ERC2: variants seen among roughly 807,000 people sequenced by gnomAD.
ERC2 encodes the protein ELKS/RAB6-interacting/CAST family member 2, also known as ERC protein 2.
In ERC2, 42 loss-of-function variants were observed where a neutral mutation model predicts 114.8. The observed-to-expected ratio is 0.37, with a 90% CI of 0.29 to 0.47. ERC2 has a LOEUF of 0.47. Among genes scored for constraint, ERC2 ranks in the 20% least tolerant of loss-of-function variants. The pLI, the probability that ERC2 is intolerant of heterozygous loss-of-function variation, is 0.99. For missense variants in ERC2, 939 were observed against 1,150.7 expected (o/e 0.82, Z 2.66); for synonymous variants, 454 against 425.5 (o/e 1.07, Z -0.82).
chr3:55,996,109 T>C (rs888755129), intron 10 of ERC2, among the ~76,000 whole-genome samples: 1 of 152,210 alleles, frequency 6.6e-6, no homozygotes, highest in African/African-American at 2.4e-5. Context: ...GCCATGGCAT[T>C]CTAATGCATT....
At chr3:55,795,823 A>G (rs4974145) in intron 14 of ERC2, among the ~76,000 whole-genome samples, 21,075 of 152,184 alleles carry the variant, frequency 0.14, 1,676 homozygotes, top group East Asian at 0.22. Context: ...GTGGACACCA[A>G]TAACAGTACC....
intron 17 of ERC2, among the ~76,000 whole-genome samples, chr3:55,552,852 C>A (rs1252391730): frequency 6.6e-6 from 1 of 151,092 alleles, no homozygotes; most frequent in Admixed American, 6.6e-5. Context: ...TAAAATTGTC[C>A]CAGTGGATTT....
chr3:55,798,468 C>T (rs1487658908), intron 14 of ERC2, among the ~76,000 whole-genome samples: 3 of 151,920 alleles, frequency 2.0e-5, no homozygotes, highest in South Asian at 2.1e-4. Flanking sequence ...CGTGGTGGCA[C>T]GTGCCTGTAG....
chr3:56,292,591 C>T (rs2055164266), intron 3 of ERC2, among the ~76,000 whole-genome samples: 1 of 151,654 alleles, frequency 6.6e-6, no homozygotes, highest in Non-Finnish European at 1.5e-5. Flanking sequence ...CCCCGTCCCC[C>T]ACCGCCCCCC....
At chr3:55,694,005 G>A (rs957870440) in intron 16 of ERC2, among the ~76,000 whole-genome samples, 6 of 152,018 alleles carry the variant, frequency 3.9e-5, no homozygotes, top group East Asian at 3.9e-4. Context: ...CACTGCGCCC[G>A]GCAAAGATGA....
intron 11 of ERC2, among the ~76,000 whole-genome samples, chr3:55,987,790 T>C (rs2070747805): frequency 6.6e-6 from 1 of 152,266 alleles, no homozygotes; most frequent in East Asian, 1.9e-4. Flanking sequence ...TGTCCAAATG[T>C]CTGGTGATAT....
At chr3:55,813,072 T>G (rs1261086600) in intron 14 of ERC2, among the ~76,000 whole-genome samples, 1 of 152,208 alleles carries the variant, frequency 6.6e-6, no homozygotes, top group Non-Finnish European at 1.5e-5. Flanking sequence ...TTTTGCCTAT[T>G]AAGAAACCGA....
intron 13 of ERC2, among the ~76,000 whole-genome samples, chr3:55,918,349 T>G (rs1029656205): frequency 6.6e-6 from 1 of 152,120 alleles, no homozygotes; most frequent in African/African-American, 2.4e-5. Flanking sequence ...GCATCTGTTT[T>G]GTCTCACTCT....
chr3:55,712,151 C>T (rs2063810309), intron 15 of ERC2, among the ~76,000 whole-genome samples: 2 of 152,056 alleles, frequency 1.3e-5, no homozygotes, highest in Non-Finnish European at 2.9e-5. Context: ...TCCCACGTTT[C>T]TTCTTGATCA....
intron 6 of ERC2, among the ~76,000 whole-genome samples, chr3:56,087,887 C>A (rs2077587609): frequency 6.6e-6 from 1 of 152,170 alleles, no homozygotes; most frequent in Non-Finnish European, 1.5e-5. Flanking sequence ...TGGAAGTACG[C>A]ATAATGTACA....
intron 14 of ERC2, among the ~76,000 whole-genome samples, chr3:55,789,413 T>C (rs957599726): frequency 6.6e-6 from 1 of 152,162 alleles, no homozygotes; most frequent in African/African-American, 2.4e-5. Flanking sequence ...TACTACTCCA[T>C]GAGATTTACA....
chr3:55,636,853 G>A (rs946684662), intron 17 of ERC2, among the ~76,000 whole-genome samples: 2 of 152,328 alleles, frequency 1.3e-5, no homozygotes, highest in African/African-American at 2.4e-5. Flanking sequence ...AACCAGACCT[G>A]ATTTGCAAAA....
intron 6 of ERC2, among the ~76,000 whole-genome samples, chr3:56,138,035 A>G (rs1412442587): frequency 6.6e-6 from 1 of 151,672 alleles, no homozygotes; most frequent in East Asian, 1.9e-4. Flanking sequence ...ACTATACACA[A>G]CTGAAAATGG....
intron 13 of ERC2, among the ~76,000 whole-genome samples, chr3:55,930,467 G>A (rs545884009): frequency 6.6e-6 from 1 of 152,230 alleles, no homozygotes; most frequent in East Asian, 1.9e-4. Flanking sequence ...ACAACCATCT[G>A]ATCTTTGACA....
chr3:55,858,851 T>A (rs935481486), intron 14 of ERC2, among the ~76,000 whole-genome samples: 3 of 152,116 alleles, frequency 2.0e-5, no homozygotes, highest in Non-Finnish European at 4.4e-5. Flanking sequence ...ATGCTAGGCC[T>A]ATGTTCTCAA....
chr3:56,297,224 GAA>G (rs534511284), intron 2 of ERC2, among the ~76,000 whole-genome samples: 1 of 119,480 alleles, frequency 8.4e-6, no homozygotes. Context: ...CACAGAAGAA[GAA>G]AAAAAAAAAG....
intron 1 of ERC2, among the ~76,000 whole-genome samples, chr3:56,438,903 A>G (rs2062154925): frequency 6.6e-6 from 1 of 152,250 alleles, no homozygotes; most frequent in Admixed American, 6.5e-5. Flanking sequence ...GGAAACACAC[A>G]CACATATAAC....
intron 2 of ERC2, among the ~76,000 whole-genome samples, chr3:56,379,581 A>G (rs2059672454): frequency 1.3e-5 from 2 of 152,120 alleles, no homozygotes; most frequent in African/African-American, 4.8e-5. Flanking sequence ...TGATGCTTGG[A>G]TTTCAACTCG....
intron 2 of ERC2, among the ~76,000 whole-genome samples, chr3:56,380,577 T>C (rs887630637): frequency 2.0e-5 from 3 of 152,178 alleles, no homozygotes; most frequent in African/African-American, 7.2e-5. Flanking sequence ...ATGGTATGAA[T>C]GAACAGATAA....
Sources: allele counts gnomAD v4.1 joint callset (sites outside exome capture counted in the v4.1 genomes callset), GRCh38; gene constraint gnomAD v4.1.1; transcripts MANE v1.5; gene names NCBI Gene and HGNC (gene_info 2026-07-23, HGNC 2026-07-21).